The following TENT4B variants were observed in gnomAD, a reference collection of about 807,000 sequenced individuals.
TENT4B encodes the protein terminal nucleotidyltransferase 4B, also known as PAP associated domain containing 5.
Under a neutral mutation model 75.0 loss-of-function variants are expected in TENT4B, and 10 were observed. That is an observed-to-expected ratio of 0.13 (90% confidence interval 0.08 to 0.23). The LOEUF is 0.23. Ranked by LOEUF, TENT4B falls within the 10% of genes least tolerant of loss-of-function variation. The pLI, the probability that TENT4B is intolerant of heterozygous loss-of-function variation, is 1.00. For synonymous variants in TENT4B, 350 were observed against 357.7 expected, an observed-to-expected ratio of 0.98 and a Z score of 0.24; for missense variants, 579 against 893.8, an observed-to-expected ratio of 0.65 and a Z score of 4.49.
Position 50,230,943 on chromosome 16 carries a change from TG to T in TENT4B, c.*1617del, listed in dbSNP as rs1567518067. 4.1e-6 allele frequency: 4 copies of T among 979,328 alleles called. No homozygotes were observed. Among genetic ancestry groups the T allele is most frequent in the African/African-American group, 1.8e-5 (1 of 57,098 alleles). The allele number at this position is 979,328 out of a possible 1,614,324, so 60.7% of individuals were successfully genotyped here. A position where few individuals can be genotyped will look rare whatever the true frequency, so the allele number is the denominator to read the frequency against. The stretch of plus-strand genomic sequence containing the variant: ...TATATATATACATATAAAGTACTAT[TG>T]GCTTTTAGGAGTTTCTTTTATATAC... On this transcript the variant is annotated 3_prime_UTR_variant, in exon 12 of 12. Transcript: ENST00000561678.
intron 1 of TENT4B, among the ~76,000 whole-genome samples, chr16:50,176,426 C>T (rs2038310682): frequency 6.7e-6 from 1 of 150,154 alleles, no homozygotes; most frequent in South Asian, 2.1e-4. Context: ...AAAAAAAATC[C>T]ACATATAAGT....
intron 1 of TENT4B, among the ~76,000 whole-genome samples, chr16:50,193,500 GCCAA>G (rs2030000830): frequency 1.3e-5 from 2 of 151,976 alleles, no homozygotes; most frequent in Non-Finnish European, 2.9e-5. Context: ...GCCACGCCCG[GCCAA>G]TTTTTTTCTA....
At chr16:50,199,977 GT>G (rs2030530417) in intron 1 of TENT4B, among the ~76,000 whole-genome samples, 1 of 152,210 alleles carries the variant, frequency 6.6e-6, no homozygotes, top group East Asian at 1.9e-4. Flanking sequence ...TTCTGTGTAG[GT>G]TTTTTTGTGT....
intron 1 of TENT4B, among the ~76,000 whole-genome samples, chr16:50,207,285 G>A (rs952514322): frequency 6.6e-6 from 1 of 151,972 alleles, no homozygotes; most frequent in East Asian, 1.9e-4. Flanking sequence ...GGGCTCAAGC[G>A]ATTCTCCCAC....
intron 2 of TENT4B, among the ~76,000 whole-genome samples, chr16:50,212,288 G>A (rs763421302): frequency 1.1e-4 from 16 of 152,134 alleles, no homozygotes; most frequent in Non-Finnish European, 1.8e-4. Context: ...GAACTCCTGG[G>A]TTCAAGCAAT....
intron 1 of TENT4B, among the ~76,000 whole-genome samples, chr16:50,201,833 A>T (rs1036007313): frequency 4.2e-4 from 9 of 21,654 alleles, no homozygotes; most frequent in East Asian, 2.8e-3. Context: ...CTCTATTTAA[A>T]AAAAAAAAAA....
chr16:50,167,410 GT>G (rs572193610), intron 1 of TENT4B, among the ~76,000 whole-genome samples: 2,972 of 144,072 alleles, frequency 0.021, 91 homozygotes, highest in African/African-American at 0.072. Flanking sequence ...TTTCTTTTAG[GT>G]TTTTTTTTTT....
chr16:50,159,978 A>G (rs2037973668), intron 1 of TENT4B, among the ~76,000 whole-genome samples: 1 of 151,954 alleles, frequency 6.6e-6, no homozygotes, highest in Non-Finnish European at 1.5e-5. Context: ...GGCTTACTGC[A>G]ACTTCAACAC....
intron 1 of TENT4B, among the ~76,000 whole-genome samples, chr16:50,166,780 ATTTTTTTTT>A (rs57856238): frequency 2.6e-5 from 3 of 115,280 alleles, no homozygotes; most frequent in Admixed American, 9.2e-5. Context: ...TGCCTGGCTA[ATTTTTTTTT>A]TTTTTTTTTT....
At chr16:50,201,362 C>T (rs998789109) in intron 1 of TENT4B, among the ~76,000 whole-genome samples, 7 of 151,676 alleles carry the variant, frequency 4.6e-5, no homozygotes, top group South Asian at 2.1e-4. Flanking sequence ...CATGGTGAAA[C>T]GCTGTCTCTA....
chr16:50,190,894 C>T (rs1265446627), intron 1 of TENT4B, among the ~76,000 whole-genome samples: 1 of 151,954 alleles, frequency 6.6e-6, no homozygotes, highest in South Asian at 2.1e-4. Flanking sequence ...TGGCAGCCAC[C>T]GTTCTACATT....
chr16:50,206,574 G>A (rs969838103), intron 1 of TENT4B, among the ~76,000 whole-genome samples: 1 of 152,064 alleles, frequency 6.6e-6, no homozygotes, highest in Non-Finnish European at 1.5e-5. Flanking sequence ...GTCTGGGCAG[G>A]TATCTCTTGG....
In TENT4B at chr16:50,233,543, A is replaced by T. The variant is rs1268103919; in HGVS notation, c.*4215A>T. The T allele has an allele frequency of 5.1e-6, 5 of 984,978 alleles. No homozygotes were observed. Among genetic ancestry groups the T allele is most frequent in the Non-Finnish European group, 4.8e-6 (4 of 829,726 alleles). 61.0% of individuals were successfully genotyped at this position (984,978 alleles called of 1,614,324 possible). A position where few individuals can be genotyped will look rare whatever the true frequency, so the allele number is the denominator to read the frequency against. On this transcript the variant is annotated 3_prime_UTR_variant, in exon 12 of 12. Coordinates refer to ENST00000561678, the MANE Select transcript of TENT4B (RefSeq NM_001365324.3). Reference sequence around the variant, plus strand: ...AAGATAATGAGCTAAATATATATAGACGTTGAATGTTGACAAAATTATTAA... The same window carrying T: ...AAGATAATGAGCTAAATATATATAGTCGTTGAATGTTGACAAAATTATTAA...
intron 1 of TENT4B, among the ~76,000 whole-genome samples, chr16:50,160,503 T>G (rs556073797): frequency 9.9e-5 from 15 of 152,266 alleles, no homozygotes; most frequent in Admixed American, 7.2e-4. Context: ...TTAGAAAAAT[T>G]CTGATCCTGG....
chr16:50,167,126 T>G (rs778469837), intron 1 of TENT4B, among the ~76,000 whole-genome samples: 1 of 152,138 alleles, frequency 6.6e-6, no homozygotes, highest in Non-Finnish European at 1.5e-5. Flanking sequence ...GGGTGTCCAA[T>G]CTTTTGACTT....
intron 1 of TENT4B, among the ~76,000 whole-genome samples, chr16:50,170,185 A>C (rs1567480529): frequency 6.6e-6 from 1 of 151,528 alleles, no homozygotes; most frequent in Middle Eastern, 3.2e-3. Context: ...ACGCCTGGCT[A>C]ATTTTTTGTA....
In TENT4B at chr16:50,225,004, T is replaced by C; in HGVS notation, c.1612+10T>C. 1 of 1,612,474 alleles carries C rather than the reference T, an allele frequency of 6.2e-7. No homozygotes were observed. The highest frequency in any genetic ancestry group is 8.5e-7 in the Non-Finnish European group (1 of 1,178,724). ...GAGCCTTCATGCAATGGTAAGATAT[T>C]TTCCTTGGTCGATTGACTGAGTATT... On this transcript the variant is annotated intron_variant, in intron 9 of 11. Coordinates refer to ENST00000561678, the MANE Select transcript of TENT4B (RefSeq NM_001365324.3).
Position 50,230,776 on chromosome 16 carries a change from A to G in TENT4B, c.*1448A>G, listed in dbSNP as rs2032267654. ...CTGTTATCATTACCTGTTGAGTTTG[A>G]AACTCAGTTGGGAATATTTAATATA... On this transcript the variant is annotated 3_prime_UTR_variant, in exon 12 of 12. Transcript: ENST00000561678. The G allele has an allele frequency of 1.0e-6, 1 of 985,716 alleles. No homozygotes were observed. Among genetic ancestry groups the G allele is most frequent in the African/African-American group, 1.7e-5 (1 of 57,228 alleles). 61.1% of individuals were successfully genotyped at this position (985,716 alleles called of 1,614,324 possible).
intron 1 of TENT4B, among the ~76,000 whole-genome samples, chr16:50,170,118 C>A (rs1254789376): frequency 6.6e-6 from 1 of 151,730 alleles, no homozygotes; most frequent in Non-Finnish European, 1.5e-5. Flanking sequence ...GTGGTGCAAT[C>A]TCCGCTCACT....
Sources: allele counts gnomAD v4.1 joint callset (sites outside exome capture counted in the v4.1 genomes callset), GRCh38; gene constraint gnomAD v4.1.1; transcripts MANE v1.5; gene names NCBI Gene and HGNC (gene_info 2026-07-23, HGNC 2026-07-21).